OR14I1: variants seen among roughly 807,000 people sequenced by gnomAD.
OR14I1 encodes olfactory receptor 14I1.
For missense variants in OR14I1, 279 were observed against 181.8 expected, an observed-to-expected ratio of 1.53 and a Z score of -3.07; for synonymous variants, 118 against 71.1, an observed-to-expected ratio of 1.66 and a Z score of -3.32.
chr1:248,687,620 CTT>C, the OR14I1 span, among the ~76,000 whole-genome samples: 1 of 152,200 alleles, frequency 6.6e-6, no homozygotes, highest in South Asian at 2.1e-4. Context: ...ACAAATTAAA[CTT>C]AGCAGACTTT....
upstream of OR14I1, among the ~76,000 whole-genome samples, chr1:248,684,380 T>A (rs1381351098): frequency 6.6e-6 from 1 of 152,240 alleles, no homozygotes; most frequent in Admixed American, 6.5e-5. Flanking sequence ...CTTAGTTTGC[T>A]GTGTAAGCAG....
exon 1 of OR14I1, chr1:248,682,048 C>A (rs139712934): frequency 5.1e-6 from 4 of 780,968 alleles, no homozygotes; most frequent in Non-Finnish European, 7.2e-6. Flanking sequence ...GGAGCTTCTG[C>A]GAGTCAGGGA....
At chr1:248,690,727 T>C in the OR14I1 span, among the ~76,000 whole-genome samples, 1 of 151,240 alleles carries the variant, frequency 6.6e-6, no homozygotes, top group Non-Finnish European at 1.5e-5. Context: ...CCTAACTCAT[T>C]TTATGAGGCC....
At chr1:248,697,746 G>C in the OR14I1 span, among the ~76,000 whole-genome samples, 1 of 152,140 alleles carries the variant, frequency 6.6e-6, no homozygotes, top group African/African-American at 2.4e-5. Flanking sequence ...TTGCTCCACT[G>C]CACTCCAGCC....
At chr1:248,685,039 A>G (rs1301687862), upstream of OR14I1, among the ~76,000 whole-genome samples, 1 of 152,106 alleles carries the variant, frequency 6.6e-6, no homozygotes, top group Non-Finnish European at 1.5e-5. Context: ...CATTAATGTC[A>G]AAGAAGCAAC....
At chr1:248,682,434 A>G, upstream of OR14I1, 4 of 586,722 alleles carry the variant, frequency 6.8e-6, no homozygotes, top group Non-Finnish European at 1.2e-5. Flanking sequence ...GACATCTTCC[A>G]CACTGCTTAA....
downstream of OR14I1, among the ~76,000 whole-genome samples, chr1:248,680,447 C>T (rs1305745619): frequency 6.6e-6 from 1 of 152,172 alleles, no homozygotes; most frequent in African/African-American, 2.4e-5. Flanking sequence ...CTAAGAATAT[C>T]AGTGTTTCCA....
At chr1:248,692,320 T>C in the OR14I1 span, 2 of 152,718 alleles carry the variant, frequency 1.3e-5, no homozygotes, top group Admixed American at 1.3e-4. Flanking sequence ...CCTCCTGCAT[T>C]CCTGTACTCT....
At chr1:248,680,166 A>G (rs1661533902), downstream of OR14I1, among the ~76,000 whole-genome samples, 1 of 152,258 alleles carries the variant, frequency 6.6e-6, no homozygotes, top group African/African-American at 2.4e-5. Flanking sequence ...AGACATTTAA[A>G]GCAATAAACA....
the OR14I1 span, among the ~76,000 whole-genome samples, chr1:248,702,638 CT>C: frequency 4.6e-5 from 7 of 152,142 alleles, no homozygotes; most frequent in Non-Finnish European, 7.3e-5. Context: ...CTACTCTCAT[CT>C]CAGCAACCAG....
At chr1:248,681,639 C>T (rs112867044) in exon 1 of OR14I1, 18 of 780,952 alleles carry the variant, frequency 2.3e-5, no homozygotes, top group African/African-American at 1.4e-4. Context: ...TTCTGAGCAC[C>T]GTTGAGAAGA....
the OR14I1 span, among the ~76,000 whole-genome samples, chr1:248,701,977 T>C: frequency 1.3e-5 from 2 of 151,826 alleles, no homozygotes; most frequent in Admixed American, 1.3e-4. Context: ...CGGTGGAAGG[T>C]GAAGGGGAAG....
upstream of OR14I1, among the ~76,000 whole-genome samples, chr1:248,686,206 TAA>T (rs1333605034): frequency 6.6e-6 from 1 of 152,194 alleles, no homozygotes; most frequent in African/African-American, 2.4e-5. Context: ...GTAATAAGAT[TAA>T]AAGAGACCTG....
chr1:248,681,519 T>G lies in OR14I1; in HGVS notation c.786A>C (p.Ala262=), dbSNP rs1284603798. ...CTAAATCCTGAATGGACAGAGCTTT[T>G]GCAATTGGTCCTAAGGCAGCAAAGA... The change falls in exon 1 of 1, where the codon GCA becomes GCC. Residue 262 remains alanine, a synonymous_variant. Transcript: ENST00000342623. 6 of 780,944 alleles carry G rather than the reference T, an allele frequency of 7.7e-6. No homozygotes were observed. The Admixed American group carries it at 8.5e-5, about 11-fold the overall frequency. 48.4% of individuals were successfully genotyped at this position (780,944 alleles called of 1,614,324 possible). A position where few individuals can be genotyped will look rare whatever the true frequency, so the allele number is the denominator to read the frequency against.
chr1:248,700,042 G>A, the OR14I1 span, among the ~76,000 whole-genome samples: 26 of 152,286 alleles, frequency 1.7e-4, no homozygotes, highest in African/African-American at 5.5e-4. Flanking sequence ...TTTCAGGCCT[G>A]AGCCACCGCG....
the OR14I1 span, among the ~76,000 whole-genome samples, chr1:248,697,507 G>A: frequency 2.7e-5 from 4 of 150,532 alleles, no homozygotes; most frequent in South Asian, 4.2e-4. Context: ...AAACATGGCC[G>A]GGCGCGGTAG....
chr1:248,690,486 G>A, the OR14I1 span, among the ~76,000 whole-genome samples: 10 of 149,408 alleles, frequency 6.7e-5, no homozygotes, highest in African/African-American at 9.8e-5. Flanking sequence ...TAGAAGAAAC[G>A]GATAAATTCC....
chr1:248,681,954 A>C lies in OR14I1; in HGVS notation c.351T>G (p.Ser117=), dbSNP rs545031528. The change falls in exon 1 of 1, where the codon TCT becomes TCG. Residue 117 remains serine (S), a synonymous_variant. Coordinates refer to ENST00000342623, the Ensembl canonical transcript of OR14I1. ...GGCAAATGGCAACATAGCGGTCATAAGACATGACAGTAAGGAAGGCCAGCT... is the reference window on the plus strand; with the variant it reads ...GGCAAATGGCAACATAGCGGTCATACGACATGACAGTAAGGAAGGCCAGCT... 1.1e-4 allele frequency: 84 copies of C among 781,108 alleles called. 1 individual carries two copies. The Middle Eastern group carries it at 1.1e-3, about 10-fold the overall frequency. The allele number at this position is 781,108 out of a possible 1,614,324, so 48.4% of individuals were successfully genotyped here. A position where few individuals can be genotyped will look rare whatever the true frequency, so the allele number is the denominator to read the frequency against.
the OR14I1 span, among the ~76,000 whole-genome samples, chr1:248,693,219 C>T: frequency 6.6e-6 from 1 of 152,148 alleles, no homozygotes; most frequent in Non-Finnish European, 1.5e-5. Context: ...TACTAATTCA[C>T]GGCCAGGAGC....
Sources: gnomAD v4.1 joint callset for allele counts (sites outside exome capture counted in the v4.1 genomes callset) on GRCh38, gnomAD v4.1.1 for gene constraint, MANE v1.5 for transcripts, NCBI Gene and HGNC (gene_info 2026-07-23, HGNC 2026-07-21) for gene names.